ZFYVE9: variants seen among roughly 807,000 people sequenced by gnomAD.
The protein encoded by ZFYVE9 is zinc finger FYVE-type containing 9.
Under a neutral mutation model 126.7 loss-of-function variants are expected in ZFYVE9, and 43 were observed. The ratio of observed to expected loss-of-function variants is 0.34; its 90% confidence interval spans 0.27 to 0.44. The LOEUF (loss-of-function observed/expected upper bound fraction) is 0.44, where lower values mean the gene tolerates loss of function less well. Ranked by LOEUF, ZFYVE9 falls within the 20% of genes least tolerant of loss-of-function variation. The pLI, the probability that ZFYVE9 is intolerant of heterozygous loss-of-function variation, is 1.00. For missense variants in ZFYVE9, 1,476 were observed against 1,697.0 expected, an observed-to-expected ratio of 0.87 and a Z score of 2.29; for synonymous variants, 521 against 597.4, an observed-to-expected ratio of 0.87 and a Z score of 1.87.
At chr1:52,212,562 A>G (rs893537449) in intron 1 of ZFYVE9, among the ~76,000 whole-genome samples, 25 of 152,358 alleles carry the variant, frequency 1.6e-4, no homozygotes, top group African/African-American at 6.0e-4. Context: ...GCGAGAACTG[A>G]TGAGGGCCTA....
intron 8 of ZFYVE9, among the ~76,000 whole-genome samples, chr1:52,277,532 C>G (rs981436916): frequency 6.6e-6 from 1 of 152,090 alleles, no homozygotes; most frequent in Non-Finnish European, 1.5e-5. Context: ...CTCAGGATTT[C>G]TCTTTCCAAT....
chr1:52,281,921 G>C (rs1645809529), intron 10 of ZFYVE9, 105 bp downstream of exon 10: 2 of 1,321,954 alleles, frequency 1.5e-6, no homozygotes, highest in Non-Finnish European at 1.1e-6. Context: ...GCATGGCAGG[G>C]GACTTTGATA....
At chr1:52,315,964 G>A (rs1397853027) in intron 13 of ZFYVE9, among the ~76,000 whole-genome samples, 6 of 152,058 alleles carry the variant, frequency 3.9e-5, no homozygotes, top group Admixed American at 2.0e-4. Context: ...TCAGGAGTTC[G>A]AGACCAGCCT....
rs754218562 is a variant in ZFYVE9, at chr1:52,237,437, G to A, written c.71-51G>A. The A allele has an allele frequency of 2.7e-6, 4 of 1,457,494 alleles. No individual in the cohort carries two copies. In the Admixed American group the frequency reaches 8.5e-5, roughly 31 times the overall value. The allele number at this position is 1,457,494 out of a possible 1,614,324, so 90.3% of individuals were successfully genotyped here. On this transcript the variant is annotated intron_variant, in intron 3 of 18. Transcript: ENST00000287727. ...AGAAATGTTATTAACTTAGTCATAA[G>A]CTTTTCCAGTGTTACAAGCAAACTT...
intron 15 of ZFYVE9, among the ~76,000 whole-genome samples, chr1:52,336,148 G>T (rs1359488770): frequency 6.6e-6 from 1 of 151,440 alleles, no homozygotes; most frequent in African/African-American, 2.4e-5. Context: ...AAAAAAAAAG[G>T]TCCTTTCTTA....
At chr1:52,272,417 G>C (rs1003723127) in intron 7 of ZFYVE9, among the ~76,000 whole-genome samples, 11 of 152,106 alleles carry the variant, frequency 7.2e-5, no homozygotes, top group African/African-American at 2.7e-4. Context: ...TCTCACTTCT[G>C]TCCCTACAGA....
intron 1 of ZFYVE9, among the ~76,000 whole-genome samples, chr1:52,184,315 C>G (rs1157117276): frequency 1.3e-5 from 2 of 148,742 alleles, no homozygotes; most frequent in African/African-American, 4.9e-5. Context: ...ACCTCTGCCT[C>G]CTGGGTTCAA....
At chr1:52,272,671 A>ACCTTTTTTTTTTTTTTTTTTTTTTT (rs1162973754) in intron 7 of ZFYVE9, among the ~76,000 whole-genome samples, 5 of 134,854 alleles carry the variant, frequency 3.7e-5, no homozygotes, top group African/African-American at 1.0e-4. Context: ...GCTAGAAATA[A>ACCTTTTTTTTTTTTTTTTTTTTTTT]TCTTTTTTTT....
intron 13 of ZFYVE9, among the ~76,000 whole-genome samples, chr1:52,305,296 C>T (rs767072129): frequency 3.9e-5 from 6 of 151,922 alleles, no homozygotes; most frequent in Non-Finnish European, 8.8e-5. Flanking sequence ...CAAACATTGG[C>T]TGGGTGCCTG....
rs1256588943 is a variant in ZFYVE9, at chr1:52,239,396, C to T, written c.1979C>T (p.Pro660Leu). The change falls in exon 4 of 19, where the codon CCA becomes CTA. Residue 660 changes from proline (P) to leucine (L), a missense_variant. By Grantham distance (98) the Pro-to-Leu change is moderately conservative (BLOSUM62 -3). Transcript: ENST00000287727. ...ESYEAEISTR[P>L]CLALAPDSPD... ...TATGAGGCTGAGATCTCCACTAGAC[C>T]ATGCCTTGCATTAGCTCCAGATAGC... 1.2e-6 allele frequency: 2 copies of T among 1,614,160 alleles called. No homozygotes were observed. The highest frequency in any genetic ancestry group is 3.3e-5 in the Admixed American group (2 of 60,008).
At chr1:52,231,542 G>A (rs1645221431) in intron 2 of ZFYVE9, among the ~76,000 whole-genome samples, 1 of 152,016 alleles carries the variant, frequency 6.6e-6, no homozygotes, top group South Asian at 2.1e-4. Flanking sequence ...CACAGATTAT[G>A]TAGCTTATTT....
At chr1:52,148,329 C>T (rs1389187467) in intron 1 of ZFYVE9, among the ~76,000 whole-genome samples, 9 of 151,680 alleles carry the variant, frequency 5.9e-5, no homozygotes, top group African/African-American at 1.2e-4. Context: ...ACAAGCCTTT[C>T]GGTTCAAAAT....
At chr1:52,256,467 C>T (rs926479659) in intron 4 of ZFYVE9, among the ~76,000 whole-genome samples, 7 of 151,808 alleles carry the variant, frequency 4.6e-5, no homozygotes, top group African/African-American at 1.7e-4. Context: ...TGCTTCCCTT[C>T]CCAGGTTTAA....
chr1:52,201,867 T>A (rs1021493583), intron 1 of ZFYVE9, among the ~76,000 whole-genome samples: 7 of 152,012 alleles, frequency 4.6e-5, no homozygotes, highest in Non-Finnish European at 1.0e-4. Flanking sequence ...CACTGCAACC[T>A]CCGCCTCCCA....
chr1:52,238,759 G>A lies in ZFYVE9; in HGVS notation c.1342G>A (p.Asp448Asn). ...QCVGLADAGL[D>N]LKGTCISESE... The stretch of plus-strand genomic sequence containing the variant: ...TGTTGGATTGGCAGATGCAGGTCTA[G>A]ATTTAAAAGGAACTTGCATTAGTGA... The change falls in exon 4 of 19, where the codon GAT becomes AAT. Residue 448 changes from aspartate (D) to asparagine (N), a missense_variant. Around this residue, in one of 2 missense-constraint regions of ZFYVE9, gnomAD observed 807 missense variants for 794.6 expected, o/e 1.02. Transcript: ENST00000287727. The A allele has an allele frequency of 6.2e-7, 1 of 1,614,054 alleles. No individual in the cohort carries two copies. Among genetic ancestry groups the A allele is most frequent in the Admixed American group, 1.7e-5 (1 of 60,018 alleles).
chr1:52,247,877 G>A (rs200370150), intron 4 of ZFYVE9, among the ~76,000 whole-genome samples: 2 of 151,984 alleles, frequency 1.3e-5, no homozygotes, highest in Non-Finnish European at 2.9e-5. Context: ...CCATCTGTTT[G>A]TATGAATTTC....
At chr1:52,341,892 A>G (rs1646440332) in intron 17 of ZFYVE9, among the ~76,000 whole-genome samples, 1 of 152,356 alleles carries the variant, frequency 6.6e-6, no homozygotes, top group East Asian at 1.9e-4. Context: ...TGAGCAGTGC[A>G]GAGTCTGGAA....
At position 52,254,891 on chromosome 1, in the gene ZFYVE9, A is replaced by C. The variant is rs140999229; in HGVS notation, c.2179-8882A>C. On this transcript the variant is annotated intron_variant, in intron 4 of 18. Coordinates refer to ENST00000287727, the MANE Select transcript of ZFYVE9 (RefSeq NM_004799.4). ...TGAGGTGGAAGGATTCCTTGAGCTT[A>C]GGAGTTCGAGACCAGCCTGGGCAAC... is the stretch of plus-strand genomic sequence containing the variant. Among the ~76,000 whole-genome samples the C allele has an allele frequency of 4.1e-3, 625 of 152,124 alleles. 1 individual carries two copies. Among genetic ancestry groups the C allele is most frequent in the Admixed American group, 6.5e-3 (99 of 15,278 alleles).
At position 52,166,090 on chromosome 1, in the gene ZFYVE9, A is replaced by G. The variant is rs143261497; in HGVS notation, c.-143+23687A>G. On this transcript the variant is annotated intron_variant, in intron 1 of 18. Coordinates refer to ENST00000287727, the MANE Select transcript of ZFYVE9 (RefSeq NM_004799.4). ...TCCATTTTGTCACACAGAATATTAA[A>G]AAGACTTTACTCGAGTTGAGATTTA... is the stretch of plus-strand genomic sequence containing the variant. 5.3e-5 allele frequency among the ~76,000 whole-genome samples: 8 copies of G among 152,344 alleles called. No individual in the cohort carries two copies. The East Asian group carries it at 1.5e-3, about 29-fold the overall frequency.
Sources: gnomAD v4.1 joint callset for allele counts (sites outside exome capture counted in the v4.1 genomes callset) on GRCh38, gnomAD v4.1.1 for gene constraint, gnomAD v4.1.1 regional missense constraint, MANE v1.5 for transcripts, NCBI Gene and HGNC (gene_info 2026-07-23, HGNC 2026-07-21) for gene names.